RBFOX1: variants seen among roughly 807,000 people sequenced by gnomAD.
The protein encoded by RBFOX1 is RNA binding protein fox-1 homolog 1.
Under a neutral mutation model 57.7 loss-of-function variants are expected in RBFOX1, and 8 were observed. The ratio of observed to expected loss-of-function variants is 0.14; its 90% CI spans 0.08 to 0.25. The LOEUF is 0.25. RBFOX1 is among the 10% of genes least tolerant of loss of function. The probability of loss-of-function intolerance (pLI) is 1.00; values close to 1 mark genes in which losing one functional copy is unlikely to be tolerated. For missense variants in RBFOX1, 611 were observed against 548.5 expected (o/e 1.11, Z -1.14); for synonymous variants, 326 against 222.4 (o/e 1.47, Z -4.15).
chr16:5,452,037 C>T (rs2068440529), intron 1 of RBFOX1, among the ~76,000 whole-genome samples: 1 of 152,194 alleles, frequency 6.6e-6, no homozygotes, highest in South Asian at 2.1e-4. Context: ...CTGGGTTCCT[C>T]TCCTAGGTTA....
chr16:5,662,181 A>G (rs940684825), intron 3 of RBFOX1, among the ~76,000 whole-genome samples: 3 of 152,172 alleles, frequency 2.0e-5, no homozygotes, highest in Non-Finnish European at 4.4e-5. Flanking sequence ...TGGGATTCGT[A>G]TCAAAGTTGA....
chr16:7,246,948 A>C (rs11077165), intron 4 of RBFOX1, among the ~76,000 whole-genome samples: 48,556 of 151,932 alleles, frequency 0.32, 9,516 homozygotes, highest in African/African-American at 0.56. Context: ...GGATGAGAAC[A>C]GTGTCTCCCA....
intron 4 of RBFOX1, among the ~76,000 whole-genome samples, chr16:7,207,229 G>T (rs2090174929): frequency 6.6e-6 from 1 of 152,102 alleles, no homozygotes; most frequent in Non-Finnish European, 1.5e-5. Context: ...TATGTATATG[G>T]CATCATTGGC....
At chr16:5,634,307 A>G (rs1291657594) in intron 3 of RBFOX1, among the ~76,000 whole-genome samples, 3 of 152,202 alleles carry the variant, frequency 2.0e-5, no homozygotes, top group South Asian at 4.1e-4. Flanking sequence ...CACTTTCTCC[A>G]TACTTTATAC....
intron 2 of RBFOX1, among the ~76,000 whole-genome samples, chr16:5,500,222 G>A (rs182284743): frequency 1.0e-4 from 11 of 106,792 alleles, no homozygotes; most frequent in South Asian, 2.8e-4. Flanking sequence ...ATTCCGTTCC[G>A]TTCCGTTCCA....
intron 5 of RBFOX1, among the ~76,000 whole-genome samples, chr16:7,524,065 C>G (rs2078122671): frequency 6.6e-6 from 1 of 152,146 alleles, no homozygotes. Context: ...TAGTGCTGTA[C>G]CTGGAATAGC....
chr16:7,044,107 T>C (rs1450330258), intron 3 of RBFOX1, among the ~76,000 whole-genome samples: 1 of 152,136 alleles, frequency 6.6e-6, no homozygotes, highest in African/African-American at 2.4e-5. Flanking sequence ...TTCTTTGCTG[T>C]TGTATTCCTG....
intron 4 of RBFOX1, among the ~76,000 whole-genome samples, chr16:5,948,725 C>T (rs947174884): frequency 2.0e-5 from 3 of 152,158 alleles, no homozygotes; most frequent in Non-Finnish European, 4.4e-5. Context: ...ATGGAACCAA[C>T]CCTACCAGTG....
intron 3 of RBFOX1, among the ~76,000 whole-genome samples, chr16:6,913,361 C>A (rs148689465): frequency 1.3e-5 from 2 of 152,048 alleles, no homozygotes; most frequent in African/African-American, 4.8e-5. Context: ...CCCTTATGAG[C>A]GTGTTAGCTC....
intron 1 of RBFOX1, among the ~76,000 whole-genome samples, chr16:6,042,122 A>G (rs920301429): frequency 1.4e-5 from 2 of 143,866 alleles, no homozygotes; most frequent in African/African-American, 2.6e-5. Flanking sequence ...TTTTTTTGAG[A>G]CAGAGTCTCC....
chr16:5,660,667 C>G (rs1176651187), intron 3 of RBFOX1, among the ~76,000 whole-genome samples: 1 of 151,826 alleles, frequency 6.6e-6, no homozygotes, highest in Non-Finnish European at 1.5e-5. Context: ...TTATATTTTC[C>G]ATAGAGATAA....
chr16:5,445,511 C>T (rs559870676), intron 1 of RBFOX1, among the ~76,000 whole-genome samples: 2 of 152,322 alleles, frequency 1.3e-5, no homozygotes, highest in South Asian at 4.1e-4. Context: ...AACAACCGAT[C>T]AGTTACAAGT....
At chr16:7,561,369 A>G (rs979527610) in intron 5 of RBFOX1, among the ~76,000 whole-genome samples, 11 of 152,250 alleles carry the variant, frequency 7.2e-5, no homozygotes, top group Admixed American at 7.2e-4. Context: ...TGAAGAGACA[A>G]GTAGAAAGGA....
chr16:6,667,608 A>C lies in RBFOX1; in HGVS notation c.-16+12958A>C, dbSNP rs144636111. On this transcript the variant is annotated intron_variant, in intron 3 of 15. Transcript: ENST00000550418. ...TTGAATAACTGCAAGCTGGCTGGGC[A>C]CGGTGGCTCATGCCTGGAATCCTAG... is the stretch of plus-strand genomic sequence containing the variant. Among the ~76,000 whole-genome samples the C allele has an allele frequency of 9.1e-3, 1,389 of 152,252 alleles. 17 individuals carry two copies. Among genetic ancestry groups the C allele is most frequent in the African/African-American group, 0.032 (1,322 of 41,546 alleles).
At chr16:5,533,903 A>C (rs1000154823) in intron 2 of RBFOX1, among the ~76,000 whole-genome samples, 2 of 152,140 alleles carry the variant, frequency 1.3e-5, no homozygotes, top group Non-Finnish European at 2.9e-5. Flanking sequence ...CTAAGATGCA[A>C]GCAACAGAAA....
At chr16:5,675,653 G>A (rs113377935) in intron 3 of RBFOX1, among the ~76,000 whole-genome samples, 512 of 152,298 alleles carry the variant, frequency 3.4e-3, no homozygotes, top group African/African-American at 0.011. Flanking sequence ...CGTGCAGCCC[G>A]TGTGGCTGCT....
At chr16:6,945,034 C>G (rs924156088) in intron 3 of RBFOX1, among the ~76,000 whole-genome samples, 1 of 152,112 alleles carries the variant, frequency 6.6e-6, no homozygotes, top group African/African-American at 2.4e-5. Context: ...TCTTAACATT[C>G]TGAATCCCGT....
intron 4 of RBFOX1, among the ~76,000 whole-genome samples, chr16:7,385,550 C>G (rs1165402643): frequency 1.3e-5 from 2 of 152,090 alleles, no homozygotes; most frequent in African/African-American, 4.8e-5. Flanking sequence ...TGCAGAAGTT[C>G]TAGCAGAAAT....
At chr16:7,439,940 C>G (rs892776347) in intron 4 of RBFOX1, among the ~76,000 whole-genome samples, 1 of 133,518 alleles carries the variant, frequency 7.5e-6, no homozygotes, top group Non-Finnish European at 1.6e-5. Context: ...ACAACCAAAT[C>G]TTTTCTTTCT....
Sources: allele counts gnomAD v4.1 joint callset (sites outside exome capture counted in the v4.1 genomes callset), GRCh38; gene constraint gnomAD v4.1.1; transcripts MANE v1.5; gene names NCBI Gene and HGNC (gene_info 2026-07-23, HGNC 2026-07-21).